Variants in VAMP7 observed in about 807,000 individuals in gnomAD.
VAMP7 encodes the protein vesicle-associated membrane protein 7.
In VAMP7, 14 loss-of-function variants were observed where a neutral mutation model predicts 29.6. That is an observed-to-expected ratio of 0.47 (90% CI 0.31 to 0.74). The LOEUF is 0.74. Ranked by LOEUF, VAMP7 falls within the 30% of genes least tolerant of loss-of-function variation. The pLI, the probability that VAMP7 is intolerant of heterozygous loss-of-function variation, is 0.05. For synonymous variants in VAMP7, 95 were observed against 88.1 expected (o/e 1.08, Z -0.44); for missense variants, 223 against 262.4 (o/e 0.85, Z 1.04).
rs1286683976 is a variant in VAMP7 at position 155,889,600 on chromosome X, A to G, written c.134A>G (p.Tyr45Cys). The G allele has an allele frequency of 2.5e-6, 4 of 1,613,840 alleles. No homozygotes were observed. Among genetic ancestry groups the G allele is most frequent in the Non-Finnish European group, 2.5e-6 (3 of 1,179,820 alleles). Residue 45 changes from tyrosine (Y) to cysteine (C), a missense_variant, in exon 2 of 8, where the codon TAC becomes TGC. Coordinates refer to ENST00000286448, the MANE Select transcript of VAMP7 (RefSeq NM_005638.6). ...KIPSENNKLT[Y>C]SHGNYLFHYI... Reference sequence around the variant, plus strand: ...CCTTCTGAAAATAACAAACTAACGTACTCACATGGCAAGTGAGTTCTGTTC... The same window carrying G: ...CCTTCTGAAAATAACAAACTAACGTGCTCACATGGCAAGTGAGTTCTGTTC...
rs374833801 is a variant in VAMP7 at position 155,943,757 on chromosome X, A to G, written c.*1806A>G. ...ACTGAAGATGTTAATAAAATTTAAG[A>G]GTAATACAATGATTTGCTTGTTTTA... On this transcript the variant is annotated 3_prime_UTR_variant, in exon 8 of 8. Coordinates refer to ENST00000286448, the MANE Select transcript of VAMP7 (RefSeq NM_005638.6). The G allele has an allele frequency of 5.1e-4, 77 of 152,302 alleles. No individual in the cohort carries two copies. The highest frequency in any genetic ancestry group is 1.7e-3 in the African/African-American group (71 of 41,570). The allele number at this position is 152,302 out of a possible 1,614,324, so 9.4% of individuals were successfully genotyped here. A position where few individuals can be genotyped will look rare whatever the true frequency, so the allele number is the denominator to read the frequency against.
intron 2 of VAMP7, among the ~76,000 whole-genome samples, chrX:155,893,399 G>A (rs188897891): frequency 6.6e-6 from 1 of 152,280 alleles, no homozygotes; most frequent in East Asian, 1.9e-4. Flanking sequence ...GCCCTCCAGG[G>A]AGTAAGTAAG....
intron 5 of VAMP7, among the ~76,000 whole-genome samples, chrX:155,902,174 G>A (rs1421714474): frequency 6.6e-6 from 1 of 151,894 alleles, no homozygotes; most frequent in African/African-American, 2.4e-5. Flanking sequence ...CTCTCTGTCC[G>A]TTATTGGTGT....
chrX:155,915,874 T>C (rs2066304931), intron 5 of VAMP7, among the ~76,000 whole-genome samples: 1 of 152,208 alleles, frequency 6.6e-6, no homozygotes, highest in Non-Finnish European at 1.5e-5. Flanking sequence ...AGATGTCTAT[T>C]AGGTCCTCTT....
intron 6 of VAMP7, among the ~76,000 whole-genome samples, chrX:155,923,338 T>C (rs951335785): frequency 1.3e-5 from 2 of 151,998 alleles, no homozygotes; most frequent in Non-Finnish European, 2.9e-5. Context: ...ATTTAACATA[T>C]AATCTTCCAT....
chrX:155,933,620 A>G (rs1368195891), intron 6 of VAMP7, among the ~76,000 whole-genome samples: 8 of 151,978 alleles, frequency 5.3e-5, no homozygotes, highest in Admixed American at 2.0e-4. Flanking sequence ...TCTTGCTAGC[A>G]GTCTATCAAT....
chrX:155,942,136 G>T lies in VAMP7; in HGVS notation c.*185G>T. The T allele has an allele frequency of 1.3e-6, 2 of 1,551,402 alleles. No individual in the cohort carries two copies. The highest frequency in any genetic ancestry group is 1.7e-6 in the Non-Finnish European group (2 of 1,146,766). Reference sequence around the variant, plus strand: ...TTGTCTTATCTACCAGTTTATTCCTGTGAACTTCAGATTGAACCATTCATT... The same window carrying T: ...TTGTCTTATCTACCAGTTTATTCCTTTGAACTTCAGATTGAACCATTCATT... On this transcript the variant is annotated 3_prime_UTR_variant, in exon 8 of 8. Transcript: ENST00000286448.
chrX:155,928,060 C>A (rs1254278914), intron 6 of VAMP7, among the ~76,000 whole-genome samples: 1 of 151,690 alleles, frequency 6.6e-6, no homozygotes, highest in South Asian at 2.1e-4. Context: ...AGTAGGAGGA[C>A]CACAGGCATG....
chrX:155,904,069 A>C (rs1439982921), intron 5 of VAMP7, among the ~76,000 whole-genome samples: 3 of 152,022 alleles, frequency 2.0e-5, no homozygotes, highest in African/African-American at 7.2e-5. Context: ...CATGGATGAA[A>C]TTGGAAATCC....
intron 6 of VAMP7, among the ~76,000 whole-genome samples, chrX:155,934,400 A>T (rs1454583152): frequency 6.6e-6 from 1 of 152,070 alleles, no homozygotes; most frequent in Non-Finnish European, 1.5e-5. Context: ...TGGGTGCATA[A>T]ATATTTAGGA....
At chrX:155,932,143 A>G (rs939237369) in intron 6 of VAMP7, among the ~76,000 whole-genome samples, 6 of 152,186 alleles carry the variant, frequency 3.9e-5, no homozygotes, top group African/African-American at 1.4e-4. Flanking sequence ...AGGTAGCATG[A>G]TGCCTACAGT....
At chrX:155,941,213 T>C (rs1323486265) in intron 7 of VAMP7, among the ~76,000 whole-genome samples, 4 of 152,134 alleles carry the variant, frequency 2.6e-5, no homozygotes, top group African/African-American at 4.8e-5. Flanking sequence ...GTTTAAAATC[T>C]ATTTTTTGTG....
At chrX:155,931,410 G>A (rs2066552640) in intron 6 of VAMP7, among the ~76,000 whole-genome samples, 1 of 152,126 alleles carries the variant, frequency 6.6e-6, no homozygotes, top group African/African-American at 2.4e-5. Context: ...ATTCTAACTG[G>A]TGTGAGATGG....
At chrX:155,930,376 C>T (rs1279539028) in intron 6 of VAMP7, among the ~76,000 whole-genome samples, 1 of 151,944 alleles carries the variant, frequency 6.6e-6, no homozygotes, top group Non-Finnish European at 1.5e-5. Flanking sequence ...GTAGCTCATA[C>T]CTATAATCCT....
Position 155,925,414 on chromosome X carries a change from G to T in VAMP7, c.501+5534G>T, listed in dbSNP as rs188006706. Among the ~76,000 whole-genome samples, 3 of 152,286 alleles carry T rather than the reference G, an allele frequency of 2.0e-5. No homozygotes were observed. The East Asian group carries it at 5.8e-4, about 29-fold the overall frequency. On this transcript the variant is annotated intron_variant, in intron 6 of 7. Transcript: ENST00000286448. ...AGCAGAATGGATGTTGTATTAGCAG[G>T]TGTGAACCCCAAAAGTCTGAGACAG...
At chrX:155,912,979 A>G (rs1486997647) in intron 5 of VAMP7, among the ~76,000 whole-genome samples, 2 of 152,178 alleles carry the variant, frequency 1.3e-5, no homozygotes, top group African/African-American at 4.8e-5. Flanking sequence ...TTCCACCAAC[A>G]GTGTAAAAGC....
intron 5 of VAMP7, among the ~76,000 whole-genome samples, chrX:155,901,598 A>G (rs2066063421): frequency 6.6e-6 from 1 of 152,162 alleles, no homozygotes; most frequent in Admixed American, 6.5e-5. Flanking sequence ...ATGGCTAGCC[A>G]GTTTTCCCAG....
intron 5 of VAMP7, among the ~76,000 whole-genome samples, chrX:155,918,777 A>G (rs1436587311): frequency 6.6e-6 from 1 of 152,090 alleles, no homozygotes; most frequent in African/African-American, 2.4e-5. Flanking sequence ...CCACCCTGAG[A>G]TGTTGAATTT....
chrX:155,908,999 G>T (rs2066193579), intron 5 of VAMP7, among the ~76,000 whole-genome samples: 1 of 151,780 alleles, frequency 6.6e-6, no homozygotes, highest in Non-Finnish European at 1.5e-5. Context: ...TTTGTTTTTT[G>T]GTTTTTTTGT....
Sources: allele counts gnomAD v4.1 joint callset (sites outside exome capture counted in the v4.1 genomes callset), GRCh38; gene constraint gnomAD v4.1.1; transcripts MANE v1.5; gene names NCBI Gene and HGNC (gene_info 2026-07-23, HGNC 2026-07-21).